Variants in MTF1 observed in about 807,000 individuals in gnomAD.
MTF1 encodes MRE-binding transcription factor.
MTF1 carries 22 observed loss-of-function variants against 70.4 expected under a neutral mutation model. The observed-to-expected ratio is 0.31, with a 90% CI of 0.22 to 0.45. The LOEUF (loss-of-function observed/expected upper bound fraction) is 0.45, where lower values mean the gene tolerates loss of function less well. Among genes scored for constraint, MTF1 ranks in the 20% least tolerant of loss-of-function variants. MTF1 has a pLI of 1.00. For missense variants in MTF1, 649 were observed against 922.0 expected (o/e 0.70, Z 3.83); for synonymous variants, 333 against 352.8 (o/e 0.94, Z 0.63).
At chr1:37,852,209 C>T (rs1641427227) in intron 2 of MTF1, among the ~76,000 whole-genome samples, 1 of 152,168 alleles carries the variant, frequency 6.6e-6, no homozygotes, top group Non-Finnish European at 1.5e-5. Context: ...AAGTAAACTA[C>T]CCACAGTTTG....
At chr1:37,834,581 G>A in intron 6 of MTF1, 1 of 454,706 alleles carries the variant, frequency 2.2e-6, no homozygotes, top group Non-Finnish European at 4.4e-6. Context: ...ATGTAGGACA[G>A]TCTATTGTGG....
intron 2 of MTF1, among the ~76,000 whole-genome samples, chr1:37,843,866 C>G (rs1002757994): frequency 9.2e-5 from 10 of 108,986 alleles, no homozygotes; most frequent in Non-Finnish European, 1.9e-4. Flanking sequence ...CCCCTCCCAC[C>G]CCTCCCCCAT....
chr1:37,844,581 G>A (rs1641305872), intron 2 of MTF1, among the ~76,000 whole-genome samples: 1 of 152,144 alleles, frequency 6.6e-6, no homozygotes. Context: ...CACCACTAAG[G>A]AGAAATGGGA....
At chr1:37,823,599 C>A in intron 8 of MTF1, 111 bp downstream of exon 8, 1 of 748,384 alleles carries the variant, frequency 1.3e-6, no homozygotes, top group Non-Finnish European at 2.2e-6. Flanking sequence ...ACTTTCTGAC[C>A]CTTTATAGAA....
intron 2 of MTF1, among the ~76,000 whole-genome samples, chr1:37,850,793 T>C (rs114333598): frequency 0.01 from 1,592 of 152,064 alleles, 20 homozygotes; most frequent in African/African-American, 0.036. Flanking sequence ...CCACACTATA[T>C]GAAACAATGA....
intron 5 of MTF1, 64 bp from the exon 6 acceptor site, chr1:37,835,279 C>A: frequency 7.0e-7 from 1 of 1,425,820 alleles, no homozygotes; most frequent in Non-Finnish European, 9.9e-7. Context: ...AAGAAATCTA[C>A]CTTTCCCTAA....
chr1:37,844,673 C>T (rs1641307325), intron 2 of MTF1, among the ~76,000 whole-genome samples: 1 of 152,216 alleles, frequency 6.6e-6, no homozygotes, highest in South Asian at 2.1e-4. Context: ...CAGAATTTCA[C>T]TCTTAAGATG....
chr1:37,821,172 T>TACA (rs1640904543), intron 9 of MTF1, among the ~76,000 whole-genome samples: 1 of 149,634 alleles, frequency 6.7e-6, no homozygotes, highest in Non-Finnish European at 1.5e-5. Flanking sequence ...CCTCAAAATA[T>TACA]ATAATAATAA....
At chr1:37,816,218 G>A (rs1640816439) in intron 10 of MTF1, among the ~76,000 whole-genome samples, 1 of 152,194 alleles carries the variant, frequency 6.6e-6, no homozygotes, top group African/African-American at 2.4e-5. Context: ...CAGGCTTTGT[G>A]TGTCTTGACA....
intron 6 of MTF1, among the ~76,000 whole-genome samples, chr1:37,834,854 G>A (rs558840490): frequency 6.4e-4 from 98 of 152,368 alleles, no homozygotes; most frequent in African/African-American, 2.2e-3. Context: ...GAAGACTGCA[G>A]GAAGAACAGG....
Position 37,857,577 on chromosome 1 carries a change from T to C in MTF1, c.82A>G (p.Arg28Gly). The C allele has an allele frequency of 6.2e-7, 1 of 1,614,222 alleles. No homozygotes were observed. The highest frequency in any genetic ancestry group is 8.5e-7 in the Non-Finnish European group (1 of 1,180,034). Residue 28 changes from arginine to glycine, a missense_variant, in exon 2 of 11, where the codon AGG (arginine) becomes GGG (glycine). Coordinates refer to ENST00000373036, the MANE Select transcript of MTF1 (RefSeq NM_005955.3). ...DELTPDDKML[R>G]FVDKNGLVPS... ...ACCAGTCCGTTTTTATCCACAAACC[T>C]GAGCATTTTATCATCGGGGGTCAGC...
chr1:37,839,705 C>T (rs578249761), intron 3 of MTF1, among the ~76,000 whole-genome samples: 4 of 152,338 alleles, frequency 2.6e-5, no homozygotes, highest in Non-Finnish European at 2.9e-5. Context: ...GCCCAAGATA[C>T]GTCCATCTTT....
At chr1:37,849,229 C>T (rs536434870) in intron 2 of MTF1, among the ~76,000 whole-genome samples, 36 of 152,184 alleles carry the variant, frequency 2.4e-4, no homozygotes, top group African/African-American at 7.9e-4. Flanking sequence ...AGTTCAAGAC[C>T]AGCCTGACCA....
chr1:37,815,119 G>A lies in MTF1; in HGVS notation c.*17C>T, dbSNP rs1157452109. On this transcript the variant is annotated 3_prime_UTR_variant, in exon 11 of 11. Coordinates refer to ENST00000373036, the MANE Select transcript of MTF1 (RefSeq NM_005955.3). This position sits in a 1 kb window ranked among gnomAD's most constrained non-coding sequence, Gnocchi z 4.5. ...CTGCTCACCCGCTTTTCCCAGAGGTGAGCACACATGGGCCCTTCACTTGGA... is the reference window on the plus strand; with the variant it reads ...CTGCTCACCCGCTTTTCCCAGAGGTAAGCACACATGGGCCCTTCACTTGGA... The A allele has an allele frequency of 1.9e-6, 3 of 1,611,346 alleles. No homozygotes were observed.
rs772861393 is a variant in MTF1, at chr1:37,832,263, C to T, written c.1050G>A (p.Leu350=). 3 of 1,612,736 alleles carry T rather than the reference C, an allele frequency of 1.9e-6. No individual in the cohort carries two copies. Among genetic ancestry groups the T allele is most frequent in the East Asian group, 4.5e-5 (2 of 44,840 alleles). ...CACTTACCGTACTGGAATTTTCTCGCAATTCAGAATCTGTGGACAGAAGGC... is the reference window on the plus strand; with the variant it reads ...CACTTACCGTACTGGAATTTTCTCGTAATTCAGAATCTGTGGACAGAAGGC... ...DLSLLSTDSE[L]RENSSTTQGQ... Residue 350 remains leucine, a synonymous_variant, in exon 7 of 11, where the codon TTG becomes TTA. Transcript: ENST00000373036.
At chr1:37,845,924 A>T (rs922663662) in intron 2 of MTF1, among the ~76,000 whole-genome samples, 7 of 152,220 alleles carry the variant, frequency 4.6e-5, no homozygotes, top group African/African-American at 9.6e-5. Context: ...GGAGAAGAAG[A>T]AGTCACTATT....
chr1:37,843,233 C>G (rs892686390), intron 2 of MTF1, among the ~76,000 whole-genome samples: 14 of 151,908 alleles, frequency 9.2e-5, no homozygotes, highest in Non-Finnish European at 1.9e-4. Flanking sequence ...ACTCCTGGCC[C>G]CAAGCAGTCC....
At chr1:37,855,294 G>A (rs759210135) in intron 2 of MTF1, among the ~76,000 whole-genome samples, 5 of 152,168 alleles carry the variant, frequency 3.3e-5, no homozygotes, top group Admixed American at 2.6e-4. Context: ...CTGCAGAAAG[G>A]CAGGTTTTGG....
chr1:37,841,655 C>A (rs1468992554), intron 2 of MTF1: 2 of 166,176 alleles, frequency 1.2e-5, no homozygotes, highest in Admixed American at 1.2e-4. Flanking sequence ...GTGCAGAGGA[C>A]CCAGGCTCCA....
Sources: gnomAD v4.1 joint callset for allele counts (sites outside exome capture counted in the v4.1 genomes callset) on GRCh38, gnomAD v4.1.1 for gene constraint, Gnocchi (gnomAD v3.1) non-coding constraint, MANE v1.5 for transcripts, NCBI Gene and HGNC (gene_info 2026-07-23, HGNC 2026-07-21) for gene names.